The following COL7A1 variants were observed in gnomAD, a reference collection of about 807,000 sequenced individuals.
The protein encoded by COL7A1 is collagen type VII alpha 1 chain.
COL7A1 carries 296 observed loss-of-function variants against 456.2 expected under a neutral mutation model. The ratio of observed to expected loss-of-function variants is 0.65; its 90% CI spans 0.59 to 0.71. The LOEUF (loss-of-function observed/expected upper bound fraction) is 0.71. Among genes scored for constraint, COL7A1 ranks in the 30% least tolerant of loss-of-function variants. The pLI is 0.00. For missense variants in COL7A1, 3,441 were observed against 4,017.2 expected (o/e 0.86, Z 3.88); for synonymous variants, 1,464 against 1,525.9 (o/e 0.96, Z 0.95).
In COL7A1 at chr3:48,580,502, T is replaced by G; in HGVS notation, c.5052+79A>C. The G allele has an allele frequency of 6.5e-7, 1 of 1,534,106 alleles. No individual in the cohort carries two copies. The highest frequency in any genetic ancestry group is 2.3e-5 in the East Asian group (1 of 43,236). ...TTGGGAGGGTTTAGCATTACAGGGT[T>G]GGGGGGTAGGATCAGGTATTGGGAA... On this transcript the variant is annotated intron_variant, in intron 55 of 118. Coordinates refer to ENST00000681320, the MANE Select transcript of COL7A1 (RefSeq NM_000094.4). The surrounding 1 kb of genome is among the most constrained non-coding windows in gnomAD (Gnocchi z 4.5).
In COL7A1 at chr3:48,592,594, C is replaced by T; in HGVS notation, c.952G>A (p.Ala318Thr). The change falls in exon 8 of 119, where the codon GCT becomes ACT. Residue 318 changes from alanine to threonine, a missense_variant. Coordinates refer to ENST00000681320, the MANE Select transcript of COL7A1 (RefSeq NM_000094.4). The surrounding 1 kb of genome is among the most constrained non-coding windows in gnomAD (Gnocchi z 7.6). The stretch of plus-strand genomic sequence containing the variant: ...CTGGTCCGAGCTGTCCCGCTCACAG[C>T]CTCCCCGATGCTGTTGGCGTAGAGG... Reference protein sequence around the residue: ...IALYANSIGEAVSGTARTTAL... With the variant: ...IALYANSIGETVSGTARTTAL... 1.2e-6 allele frequency: 2 copies of T among 1,614,052 alleles called. No homozygotes were observed. The highest frequency in any genetic ancestry group is 1.7e-6 in the Non-Finnish European group (2 of 1,180,034).
chr3:48,594,931 G>T lies in COL7A1; in HGVS notation c.85+144C>A. 2.7e-6 allele frequency: 2 copies of T among 731,280 alleles called. No homozygotes were observed. The highest frequency in any genetic ancestry group is 2.7e-5 in the East Asian group (1 of 36,788). 45.3% of individuals were successfully genotyped at this position (731,280 alleles called of 1,614,324 possible). Reference sequence around the variant, plus strand: ...CCCAGCACCGATCGCGGAGGGTTCGGGGAGTCCCAGAATTAGGAGGAATCC... The same window carrying T: ...CCCAGCACCGATCGCGGAGGGTTCGTGGAGTCCCAGAATTAGGAGGAATCC... On this transcript the variant is annotated intron_variant, in intron 2 of 118. Coordinates refer to ENST00000681320, the MANE Select transcript of COL7A1 (RefSeq NM_000094.4). This position sits in a 1 kb window ranked among gnomAD's most constrained non-coding sequence, Gnocchi z 5.5.
At position 48,583,195 on chromosome 3, in the gene COL7A1, G is replaced by A; in HGVS notation, c.4438-24C>T. Reference sequence around the variant, plus strand: ...CCCTGAAGAGAGAGGGTGAGAGAAAGACAGAGAGAGAGAGGGTTGGTGGCG... The same window carrying A: ...CCCTGAAGAGAGAGGGTGAGAGAAAAACAGAGAGAGAGAGGGTTGGTGGCG... On this transcript the variant is annotated intron_variant, in intron 42 of 118. Coordinates refer to ENST00000681320, the MANE Select transcript of COL7A1 (RefSeq NM_000094.4). The surrounding 1 kb of genome is among the most constrained non-coding windows in gnomAD (Gnocchi z 5.1). 1.2e-6 allele frequency: 2 copies of A among 1,613,146 alleles called. No individual in the cohort carries two copies.
Position 48,581,415 on chromosome 3 carries a change from G to A in COL7A1, c.4818+33C>T. Reference sequence around the variant, plus strand: ...TTCTCAAGGGGAGGGGACCCCAGAAGCCTTGAGGTTGCCCAGGGTAACGGG... The same window carrying A: ...TTCTCAAGGGGAGGGGACCCCAGAAACCTTGAGGTTGCCCAGGGTAACGGG... On this transcript the variant is annotated intron_variant, in intron 51 of 118. Transcript: ENST00000681320. This position sits in a 1 kb window ranked among gnomAD's most constrained non-coding sequence, Gnocchi z 5.8. The A allele has an allele frequency of 6.2e-7, 1 of 1,613,936 alleles. No homozygotes were observed. Among genetic ancestry groups the A allele is most frequent in the Non-Finnish European group, 8.5e-7 (1 of 1,179,980 alleles).
Position 48,574,508 on chromosome 3 carries a change from T to A in COL7A1, c.6436A>T (p.Arg2146Trp). 1 of 1,614,062 alleles carries A rather than the reference T, an allele frequency of 6.2e-7. No individual in the cohort carries two copies. The highest frequency in any genetic ancestry group is 8.5e-7 in the Non-Finnish European group (1 of 1,180,016). Residue 2146 changes from arginine (R) to tryptophan (W), a missense_variant, in exon 79 of 119, where the codon AGG (arginine) becomes TGG (tryptophan). Physicochemically the swap from Arg to Trp is moderately radical, Grantham distance 101. Coordinates refer to ENST00000681320, the MANE Select transcript of COL7A1 (RefSeq NM_000094.4). The surrounding 1 kb of genome is among the most constrained non-coding windows in gnomAD (Gnocchi z 5.0). ...IKGDRGEPGP[R>W]GQDGNPGLPG... ...CTTACCGGGTTGCCGTCCTGACCCC[T>A]CGGTCCAGGCTCTCCCCGGTCTCCT...
chr3:48,580,006 G>A lies in COL7A1; in HGVS notation c.5124+25C>T, dbSNP rs922513175. 3.1e-6 allele frequency: 5 copies of A among 1,613,920 alleles called. No individual in the cohort carries two copies. The highest frequency in any genetic ancestry group is 4.2e-6 in the Non-Finnish European group (5 of 1,179,960). On this transcript the variant is annotated intron_variant, in intron 57 of 118. Coordinates refer to ENST00000681320, the MANE Select transcript of COL7A1 (RefSeq NM_000094.4). The surrounding 1 kb of genome is among the most constrained non-coding windows in gnomAD (Gnocchi z 4.5). Reference sequence around the variant, plus strand: ...AGGGGCAAGTGAGAACAATGACAGAGGACCAGACCCAGCGCAGCCCTTACC... The same window carrying A: ...AGGGGCAAGTGAGAACAATGACAGAAGACCAGACCCAGCGCAGCCCTTACC...
At position 48,566,940 on chromosome 3, in the gene COL7A1, A is replaced by G. The variant is rs2107632578; in HGVS notation, c.8193T>C (p.Gly2731=). The change falls in exon 111 of 119, where the codon GGT becomes GGC. Residue 2731 remains glycine, a synonymous_variant. Transcript: ENST00000681320. The surrounding 1 kb of genome is among the most constrained non-coding windows in gnomAD (Gnocchi z 5.9). ...CCTGAAGTCCTTCGGGGCCTCTGGGACCAACACTGCCAGGTGGCCCTGGGG... is the reference window on the plus strand; with the variant it reads ...CCTGAAGTCCTTCGGGGCCTCTGGGGCCAACACTGCCAGGTGGCCCTGGGG... ...AGPPGPPGSV[G]PRGPEGLQGQ... 6.2e-7 allele frequency: 1 copy of G among 1,610,642 alleles called. No individual in the cohort carries two copies. Among genetic ancestry groups the G allele is most frequent in the Non-Finnish European group, 8.5e-7 (1 of 1,177,820 alleles).
In COL7A1 at chr3:48,583,448, G is replaced by A. The variant is rs762727577; in HGVS notation, c.4402-20C>T. 7 of 1,614,040 alleles carry A rather than the reference G, an allele frequency of 4.3e-6. No individual in the cohort carries two copies. The East Asian group carries it at 1.6e-4, about 36-fold the overall frequency. ...TGGGCCCTGGAAGGGATGAATTTGG[G>A]GGTTCAGAGATTTGGGTTTGGGCAT... On this transcript the variant is annotated intron_variant, in intron 41 of 118. Transcript: ENST00000681320. The surrounding 1 kb of genome is among the most constrained non-coding windows in gnomAD (Gnocchi z 5.1).
In COL7A1 at chr3:48,581,015, G is replaced by C; in HGVS notation, c.4936-89C>G. 6.2e-7 allele frequency: 1 copy of C among 1,600,460 alleles called. No homozygotes were observed. The highest frequency in any genetic ancestry group is 8.6e-7 in the Non-Finnish European group (1 of 1,168,650). ...GGGACAGAGAAGGGTCTGAGCAGCA[G>C]CTGGACAGGAGGCAGGGAGTGGATG... On this transcript the variant is annotated intron_variant, in intron 53 of 118. Coordinates refer to ENST00000681320, the MANE Select transcript of COL7A1 (RefSeq NM_000094.4). The surrounding 1 kb of genome is among the most constrained non-coding windows in gnomAD (Gnocchi z 5.8).
rs1444980607 is a variant in COL7A1, at chr3:48,566,795, C to T, written c.8227-58G>A. The T allele has an allele frequency of 4.4e-6, 7 of 1,605,164 alleles. No individual in the cohort carries two copies. The highest frequency in any genetic ancestry group is 6.0e-6 in the Non-Finnish European group (7 of 1,173,492). ...AGAGGCAGTGGGGATCAGAGTCAGG[C>T]AGGTTGGGGGCCACAGCTTCAGAGG... On this transcript the variant is annotated intron_variant, in intron 111 of 118. Transcript: ENST00000681320. The surrounding 1 kb of genome is among the most constrained non-coding windows in gnomAD (Gnocchi z 5.9).
chr3:48,591,754 G>T lies in COL7A1; in HGVS notation c.1426C>A (p.Pro476Thr). The change falls in exon 12 of 119, where the codon CCG (proline) becomes ACG (threonine). Residue 476 changes from proline to threonine, a missense_variant. By Grantham distance (38) the Pro-to-Thr change is conservative. This residue lies in a region of COL7A1 where 913 missense variants were observed against 1,088.2 expected (regional missense o/e 0.84). Transcript: ENST00000681320. This position sits in a 1 kb window ranked among gnomAD's most constrained non-coding sequence, Gnocchi z 7.0. ...VTRYQLDGLQ[P>T]GTEYRLTLYT... is the part of the protein sequence containing the mutation. Reference sequence around the variant, plus strand: ...AGTGTGAGGCGGTACTCAGTGCCCGGCTGCAGCCCATCCAACTGGTAGCGG... The same window carrying T: ...AGTGTGAGGCGGTACTCAGTGCCCGTCTGCAGCCCATCCAACTGGTAGCGG... 5 of 1,614,132 alleles carry T rather than the reference G, an allele frequency of 3.1e-6. No individual in the cohort carries two copies. The highest frequency in any genetic ancestry group is 4.2e-6 in the Non-Finnish European group (5 of 1,180,002).
At position 48,593,716 on chromosome 3, in the gene COL7A1, G is replaced by A. The variant is rs768014269; in HGVS notation, c.267-20C>T. 1 of 1,614,074 alleles carries A rather than the reference G, an allele frequency of 6.2e-7. No individual in the cohort carries two copies. The highest frequency in any genetic ancestry group is 1.3e-5 in the African/African-American group (1 of 74,938). On this transcript the variant is annotated intron_variant, in intron 3 of 118. Transcript: ENST00000681320. The surrounding 1 kb of genome is among the most constrained non-coding windows in gnomAD (Gnocchi z 4.4). ...TCTGTCCTGTTGGAGGGTAGGGGTG[G>A]CAACAGGCTAGGACTCAGGATCTCT... is the stretch of plus-strand genomic sequence containing the variant.
intron 65 of COL7A1, among the ~76,000 whole-genome samples, chr3:48,577,258 C>A (rs2044376855): frequency 6.6e-6 from 1 of 152,226 alleles, no homozygotes; most frequent in African/African-American, 2.4e-5. Context: ...TCCTTTGACT[C>A]TGGCTCTCTA....
chr3:48,565,562 C>T lies in COL7A1; in HGVS notation c.8441-66G>A. The T allele has an allele frequency of 6.2e-7, 1 of 1,614,064 alleles. No homozygotes were observed. Among genetic ancestry groups the T allele is most frequent in the Non-Finnish European group, 8.5e-7 (1 of 1,179,952 alleles). ...ATGGGCAGCCATCCCAGCCAACCCCCCTGAGAGGACCCCAGTTGATAGGCA... is the reference window on the plus strand; with the variant it reads ...ATGGGCAGCCATCCCAGCCAACCCCTCTGAGAGGACCCCAGTTGATAGGCA... On this transcript the variant is annotated intron_variant, in intron 115 of 118. Transcript: ENST00000681320. The surrounding 1 kb of genome is among the most constrained non-coding windows in gnomAD (Gnocchi z 4.5).
Position 48,588,427 on chromosome 3 carries a change from A to G in COL7A1, c.2588-23T>C. ...GCGCTGGAGAGAAAGCTCAGGAATC[A>G]GGGAGGCTCTGCCCCCATGGCCCCT... On this transcript the variant is annotated intron_variant, in intron 20 of 118. Coordinates refer to ENST00000681320, the MANE Select transcript of COL7A1 (RefSeq NM_000094.4). This position sits in a 1 kb window ranked among gnomAD's most constrained non-coding sequence, Gnocchi z 4.6. 1 of 1,605,284 alleles carries G rather than the reference A, an allele frequency of 6.2e-7. No individual in the cohort carries two copies. The highest frequency in any genetic ancestry group is 8.5e-7 in the Non-Finnish European group (1 of 1,179,442).
At position 48,586,308 on chromosome 3, in the gene COL7A1, C is replaced by T. The variant is rs2045255051; in HGVS notation, c.3550+24G>A. 1 of 1,613,836 alleles carries T rather than the reference C, an allele frequency of 6.2e-7. No individual in the cohort carries two copies. Among genetic ancestry groups the T allele is most frequent in the Non-Finnish European group, 8.5e-7 (1 of 1,179,996 alleles). ...CAGGGCCACCCCTATTCCCAGACCC[C>T]TTCCCCATCAGCCTACTCCTTACCA... On this transcript the variant is annotated intron_variant, in intron 27 of 118. Coordinates refer to ENST00000681320, the MANE Select transcript of COL7A1 (RefSeq NM_000094.4). The surrounding 1 kb of genome is among the most constrained non-coding windows in gnomAD (Gnocchi z 5.1).
At position 48,581,362 on chromosome 3, in the gene COL7A1, G is replaced by A; in HGVS notation, c.4819-22C>T. The A allele has an allele frequency of 6.2e-7, 1 of 1,613,730 alleles. No homozygotes were observed. The highest frequency in any genetic ancestry group is 8.5e-7 in the Non-Finnish European group (1 of 1,179,926). On this transcript the variant is annotated intron_variant, in intron 51 of 118. Transcript: ENST00000681320. The surrounding 1 kb of genome is among the most constrained non-coding windows in gnomAD (Gnocchi z 5.8). Reference sequence around the variant, plus strand: ...CACCCTGTGGAGGAGGCAAGAGGGAGGTGATGCAGGACGCTCGAAGCAAGC... The same window carrying A: ...CACCCTGTGGAGGAGGCAAGAGGGAAGTGATGCAGGACGCTCGAAGCAAGC...
rs2044219248 is a variant in COL7A1 at position 48,575,336 on chromosome 3, C to T, written c.6180+3G>A. 6.2e-7 allele frequency: 1 copy of T among 1,612,566 alleles called. No individual in the cohort carries two copies. The highest frequency in any genetic ancestry group is 1.3e-5 in the African/African-American group (1 of 74,860). On this transcript the variant is annotated splice_donor_region_variant and intron_variant, in intron 74 of 118. Coordinates refer to ENST00000681320, the MANE Select transcript of COL7A1 (RefSeq NM_000094.4). The surrounding 1 kb of genome is among the most constrained non-coding windows in gnomAD (Gnocchi z 6.3). ...CACTCTCCTGGCCAGCCCCCAGCCTCACCCTCTCTCCTGGCCTTCCTGCCT... is the reference window on the plus strand; with the variant it reads ...CACTCTCCTGGCCAGCCCCCAGCCTTACCCTCTCTCCTGGCCTTCCTGCCT...
intron 65 of COL7A1, 87 bp from the exon 66 acceptor site, chr3:48,577,114 C>T: frequency 6.5e-7 from 1 of 1,545,606 alleles, no homozygotes; most frequent in Non-Finnish European, 8.9e-7. Context: ...ATGACTGTGA[C>T]TGTATTTCTG....
Sources: allele counts gnomAD v4.1 joint callset (sites outside exome capture counted in the v4.1 genomes callset), GRCh38; gene constraint gnomAD v4.1.1; regional missense constraint gnomAD v4.1.1; non-coding constraint Gnocchi (gnomAD v3.1); transcripts MANE v1.5; gene names NCBI Gene and HGNC (gene_info 2026-07-23, HGNC 2026-07-21).